PRKG2: variants seen among roughly 807,000 people sequenced by gnomAD.
The protein encoded by PRKG2 is cGMP-dependent protein kinase 2.
PRKG2 carries 33 observed loss-of-function variants against 97.2 expected under a neutral mutation model. The ratio of observed to expected loss-of-function variants is 0.34; its 90% CI spans 0.26 to 0.45. The LOEUF (loss-of-function observed/expected upper bound fraction) is 0.45. Ranked by LOEUF, PRKG2 falls within the 20% of genes least tolerant of loss-of-function variation. The pLI is 1.00. For synonymous variants in PRKG2, 330 were observed against 321.8 expected (o/e 1.03, Z -0.27); for missense variants, 638 against 900.0 (o/e 0.71, Z 3.73).
At chr4:81,150,669 TA>T (rs1252944733) in intron 8 of PRKG2, among the ~76,000 whole-genome samples, 1 of 152,102 alleles carries the variant, frequency 6.6e-6, no homozygotes, top group Non-Finnish European at 1.5e-5. Context: ...CTGAATAACA[TA>T]TTTTCTTTCA....
At chr4:81,179,787 A>T (rs756326459) in intron 2 of PRKG2, among the ~76,000 whole-genome samples, 8 of 152,286 alleles carry the variant, frequency 5.3e-5, no homozygotes, top group Non-Finnish European at 1.2e-4. Flanking sequence ...TAAGTTAAGG[A>T]TGCATGCCAT....
intron 12 of PRKG2, among the ~76,000 whole-genome samples, chr4:81,139,215 C>T (rs1224959288): frequency 6.6e-6 from 1 of 152,116 alleles, no homozygotes. Flanking sequence ...TACCTAGCTA[C>T]TACTAGGACC....
intron 6 of PRKG2, among the ~76,000 whole-genome samples, chr4:81,161,552 G>A (rs936663617): frequency 6.6e-6 from 1 of 152,146 alleles, no homozygotes; most frequent in Non-Finnish European, 1.5e-5. Context: ...AAGCTCAGGG[G>A]AAAATTCATT....
chr4:81,178,809 T>C (rs1171358494), intron 2 of PRKG2, among the ~76,000 whole-genome samples: 1 of 152,020 alleles, frequency 6.6e-6, no homozygotes, highest in South Asian at 2.1e-4. Context: ...TGAAACAATA[T>C]ATGAAGGAAT....
At chr4:81,155,517 C>G (rs1748988826) in intron 6 of PRKG2, among the ~76,000 whole-genome samples, 1 of 151,966 alleles carries the variant, frequency 6.6e-6, no homozygotes, top group African/African-American at 2.4e-5. Context: ...AGGATATTAT[C>G]CAGGAGAACT....
chr4:81,107,811 G>A (rs1048157889), intron 15 of PRKG2, among the ~76,000 whole-genome samples: 2 of 152,146 alleles, frequency 1.3e-5, no homozygotes, highest in African/African-American at 4.8e-5. Flanking sequence ...ACACCCACCC[G>A]AGAGTATTTT....
intron 2 of PRKG2, among the ~76,000 whole-genome samples, chr4:81,180,619 T>C (rs1751321618): frequency 6.6e-6 from 1 of 152,110 alleles, no homozygotes; most frequent in Non-Finnish European, 1.5e-5. Flanking sequence ...TATCAAAATA[T>C]ATGGAGCAAA....
intron 2 of PRKG2, among the ~76,000 whole-genome samples, chr4:81,196,934 C>T (rs1289119092): frequency 1.3e-5 from 2 of 152,176 alleles, no homozygotes; most frequent in Non-Finnish European, 2.9e-5. Flanking sequence ...ATGTACCTTT[C>T]ACAAAGAACG....
chr4:81,190,111 G>C (rs190118604), intron 2 of PRKG2, among the ~76,000 whole-genome samples: 12 of 152,112 alleles, frequency 7.9e-5, no homozygotes, highest in African/African-American at 2.9e-4. Flanking sequence ...AAAGAGCCGG[G>C]ATAGCCAAGA....
chr4:81,190,251 C>A (rs1387098592), intron 2 of PRKG2, among the ~76,000 whole-genome samples: 1 of 152,126 alleles, frequency 6.6e-6, no homozygotes, highest in Non-Finnish European at 1.5e-5. Context: ...TGGAACAGAA[C>A]AGAGGCCTCA....
intron 15 of PRKG2, among the ~76,000 whole-genome samples, chr4:81,109,606 T>C (rs1232809785): frequency 5.9e-5 from 9 of 152,224 alleles, no homozygotes; most frequent in Non-Finnish European, 1.3e-4. Flanking sequence ...TTTTCTAATC[T>C]ATAAAATGTA....
intron 6 of PRKG2, among the ~76,000 whole-genome samples, chr4:81,165,392 T>A (rs1189462661): frequency 1.3e-5 from 2 of 152,092 alleles, no homozygotes; most frequent in Non-Finnish European, 2.9e-5. Context: ...ATTTAGCCTG[T>A]TTTTTTCAAA....
intron 18 of PRKG2, among the ~76,000 whole-genome samples, chr4:81,091,297 T>A (rs548799134): frequency 7.3e-5 from 11 of 149,750 alleles, no homozygotes; most frequent in South Asian, 6.2e-4. Context: ...TATTATTATT[T>A]TTTGAGACGG....
intron 1 of PRKG2, among the ~76,000 whole-genome samples, chr4:81,206,390 T>C (rs559283581): frequency 1.3e-5 from 2 of 152,292 alleles, no homozygotes; most frequent in East Asian, 1.9e-4. Context: ...GTTCTCGTGA[T>C]AGTGAATAGG....
Position 81,092,462 on chromosome 4 carries a change from G to T in PRKG2, c.2127-10C>A, listed in dbSNP as rs376486849. 309 of 1,063,782 alleles carry T rather than the reference G, an allele frequency of 2.9e-4. 2 individuals are homozygous for T. The highest frequency in any genetic ancestry group is 2.9e-3 in the South Asian group (171 of 59,562). The allele number at this position is 1,063,782 out of a possible 1,614,324, so 65.9% of individuals were successfully genotyped here. A position where few individuals can be genotyped will look rare whatever the true frequency, so the allele number is the denominator to read the frequency against. On this transcript the variant is annotated splice_polypyrimidine_tract_variant and intron_variant, in intron 17 of 18. Coordinates refer to ENST00000264399, the MANE Select transcript of PRKG2 (RefSeq NM_006259.3). The stretch of plus-strand genomic sequence containing the variant: ...AAAACCATTTAACCACCTGAGAAAT[G>T]AGAAAGGAAGGAAGGAAGGAAGGAA...
At chr4:81,199,521 C>T (rs75021283) in intron 2 of PRKG2, among the ~76,000 whole-genome samples, 2 of 151,928 alleles carry the variant, frequency 1.3e-5, no homozygotes, top group Admixed American at 1.3e-4. Flanking sequence ...TAACCTTTGG[C>T]AGGTTATATA....
chr4:81,135,328 T>C (rs908764882), intron 13 of PRKG2, 32 bp from the exon 14 acceptor site: 10 of 1,604,096 alleles, frequency 6.2e-6, no homozygotes, highest in African/African-American at 4.0e-5. Context: ...TCTTAATACT[T>C]TGGATACACA....
At chr4:81,110,026 G>A (rs1301724210) in intron 15 of PRKG2, among the ~76,000 whole-genome samples, 2 of 152,170 alleles carry the variant, frequency 1.3e-5, no homozygotes, top group Non-Finnish European at 2.9e-5. Context: ...GATATGTTGG[G>A]AAGATGGATA....
chr4:81,097,748 CT>C (rs1355405494), intron 17 of PRKG2, among the ~76,000 whole-genome samples: 2 of 152,094 alleles, frequency 1.3e-5, no homozygotes, highest in South Asian at 2.1e-4. Flanking sequence ...ATGGAGATGG[CT>C]TTTTTTCTTA....
Sources: gnomAD v4.1 joint callset for allele counts (sites outside exome capture counted in the v4.1 genomes callset) on GRCh38, gnomAD v4.1.1 for gene constraint, MANE v1.5 for transcripts, NCBI Gene and HGNC (gene_info 2026-07-23, HGNC 2026-07-21) for gene names.